The following ADGRA2 variants were observed in gnomAD, a reference collection of about 807,000 sequenced individuals.
The protein encoded by ADGRA2 is adhesion G protein-coupled receptor A2.
A neutral mutation model predicts 98.7 loss-of-function variants in ADGRA2; 61 were observed. That is an observed-to-expected ratio of 0.62 (90% confidence interval 0.50 to 0.76). The LOEUF is 0.76. Among genes scored for constraint, ADGRA2 ranks in the 30% least tolerant of loss-of-function variants. The pLI is 0.00. For missense variants in ADGRA2, 1,712 were observed against 1,860.0 expected (o/e 0.92, Z 1.46); for synonymous variants, 858 against 831.5 (o/e 1.03, Z -0.55).
In ADGRA2 at chr8:37,797,488, C is replaced by A; in HGVS notation, c.220C>A (p.Pro74Thr). The change falls in exon 1 of 19, where the codon CCG becomes ACG. Residue 74 changes from proline (P) to threonine (T), a missense_variant. Transcript: ENST00000412232. This position sits in a 1 kb window ranked among gnomAD's most constrained non-coding sequence, Gnocchi z 5.3. ...RRVVCSGGDL[P>T]EPPEPGLLPN... is the part of the protein sequence containing the mutation. Reference sequence around the variant, plus strand: ...GGTGGTGTGCAGCGGCGGGGACCTCCCGGAGCCTCCCGAGCCCGGCCTTCT... The same window carrying A: ...GGTGGTGTGCAGCGGCGGGGACCTCACGGAGCCTCCCGAGCCCGGCCTTCT... 3 of 1,408,338 alleles carry A rather than the reference C, an allele frequency of 2.1e-6. No individual in the cohort carries two copies. Among genetic ancestry groups the A allele is most frequent in the Non-Finnish European group, 2.8e-6 (3 of 1,077,706 alleles). 87.2% of individuals were successfully genotyped at this position (1,408,338 alleles called of 1,614,324 possible).
chr8:37,836,029 G>GC (rs768518522), intron 13 of ADGRA2, among the ~76,000 whole-genome samples: 10 of 141,280 alleles, frequency 7.1e-5, no homozygotes, highest in Admixed American at 3.7e-4. Context: ...TATGAGCATA[G>GC]CCCCCTCCAA....
At chr8:37,831,657 TG>T in intron 8 of ADGRA2, 70 bp downstream of exon 8, 6 of 1,415,010 alleles carry the variant, frequency 4.2e-6, no homozygotes, top group Non-Finnish European at 5.9e-6. Flanking sequence ...ACATCACAGG[TG>T]GCCAGAGTTT....
intron 1 of ADGRA2, among the ~76,000 whole-genome samples, chr8:37,811,524 T>C (rs1804833331): frequency 6.8e-6 from 1 of 147,334 alleles, no homozygotes; most frequent in African/African-American, 2.5e-5. Context: ...TTGCCCAGGC[T>C]GGAGTGCAAT....
In ADGRA2 at chr8:37,834,298, G is replaced by A. The variant is rs964811792; in HGVS notation, c.1608+170G>A. On this transcript the variant is annotated intron_variant, in intron 11 of 18. Coordinates refer to ENST00000412232, the MANE Select transcript of ADGRA2 (RefSeq NM_032777.10). The surrounding 1 kb of genome is among the most constrained non-coding windows in gnomAD (Gnocchi z 4.2). ...GGGGCAGTGCTAAGGAGAGGTGGCC[G>A]GTGACCCTGGAGAAGTGATGCCAGA... Among the ~76,000 whole-genome samples the A allele has an allele frequency of 2.0e-5, 3 of 152,338 alleles. No homozygotes were observed. Among genetic ancestry groups the A allele is most frequent in the African/African-American group, 7.2e-5 (3 of 41,572 alleles).
Position 37,814,827 on chromosome 8 carries a change from C to A in ADGRA2, c.267-69C>A. ...TGACAAAGATGCAAGCTGGCCCCAC[C>A]AGTGGTGAAAGCGGATGCCCAGCAC... On this transcript the variant is annotated intron_variant, in intron 1 of 18. Transcript: ENST00000412232. The surrounding 1 kb of genome is among the most constrained non-coding windows in gnomAD (Gnocchi z 4.3). The A allele has an allele frequency of 8.7e-7, 1 of 1,147,392 alleles. No homozygotes were observed. The highest frequency in any genetic ancestry group is 1.3e-6 in the Non-Finnish European group (1 of 756,242). 71.1% of individuals were successfully genotyped at this position (1,147,392 alleles called of 1,614,324 possible).
At position 37,844,481 on chromosome 8, in the gene ADGRA2, G is replaced by A; in HGVS notation, c.*2126G>A. The A allele has an allele frequency of 6.2e-7, 1 of 1,610,884 alleles. No individual in the cohort carries two copies. The highest frequency in any genetic ancestry group is 8.5e-7 in the Non-Finnish European group (1 of 1,178,682). On this transcript the variant is annotated 3_prime_UTR_variant, in exon 19 of 19. Transcript: ENST00000412232. ...CAGAACAGGATGAAGTGCTCCCAGT[G>A]GATATCCATCAGGGAGGGTTAGGGA...
chr8:37,833,547 C>T, intron 9 of ADGRA2, 141 bp from the exon 10 acceptor site: 1 of 832,538 alleles, frequency 1.2e-6, no homozygotes, highest in Middle Eastern at 2.4e-4. Context: ...CCTCTGCCCT[C>T]CTAGCTTGAT....
chr8:37,805,213 C>G (rs536213929), intron 1 of ADGRA2, among the ~76,000 whole-genome samples: 66 of 152,330 alleles, frequency 4.3e-4, no homozygotes, highest in African/African-American at 1.4e-3. Context: ...GGAGCTCTGC[C>G]CCTGTCACTC....
Position 37,842,617 on chromosome 8 carries a change from C to A in ADGRA2, c.*262C>A. On this transcript the variant is annotated 3_prime_UTR_variant, in exon 19 of 19. Transcript: ENST00000412232. ...GTGCCCTCCCAGGAACGGGGAAGGC[C>A]TCCGTCTGTGTGAAAGGGCACAGCA... 1 of 464,542 alleles carries A rather than the reference C, an allele frequency of 2.2e-6. No homozygotes were observed. The highest frequency in any genetic ancestry group is 3.5e-6 in the Non-Finnish European group (1 of 284,606). The allele number at this position is 464,542 out of a possible 1,614,324, so 28.8% of individuals were successfully genotyped here.
Position 37,835,383 on chromosome 8 carries a change from G to C in ADGRA2, c.1818G>C (p.Ser606=), listed in dbSNP as rs367940354. The change falls in exon 12 of 19, where the codon TCG becomes TCC. Residue 606 remains serine, a synonymous_variant. Coordinates refer to ENST00000412232, the MANE Select transcript of ADGRA2 (RefSeq NM_032777.10). ...CTTGRPNVSL[S]SFHIKNSVAL... ...CCGGGAGGCCCAATGTTTCTCTGTC[G>C]TCCTTCCACATCAAGGTGGGCGCTG... 1.9e-6 allele frequency: 3 copies of C among 1,610,502 alleles called. No homozygotes were observed. The highest frequency in any genetic ancestry group is 2.5e-6 in the Non-Finnish European group (3 of 1,179,606).
Position 37,840,152 on chromosome 8 carries a change from C to A in ADGRA2, c.2543C>A (p.Ser848Tyr). Residue 848 changes from serine (S) to tyrosine (Y), a missense_variant, in exon 17 of 19, where the codon TCC becomes TAC. Transcript: ENST00000412232. ...ATCACCCTGCACTACTCCTCCCTATCCACGCTGCTCTGGATGGGCGTGAAG... is the reference window on the plus strand; with the variant it reads ...ATCACCCTGCACTACTCCTCCCTATACACGCTGCTCTGGATGGGCGTGAAG... ...VGITLHYSSL[S>Y]TLLWMGVKAR... The A allele has an allele frequency of 6.2e-7, 1 of 1,608,760 alleles. No homozygotes were observed. Among genetic ancestry groups the A allele is most frequent in the Non-Finnish European group, 8.5e-7 (1 of 1,179,582 alleles).
At position 37,814,233 on chromosome 8, in the gene ADGRA2, GAATA is replaced by G. The variant is rs1302204086; in HGVS notation, c.267-656_267-653del. 6.6e-6 allele frequency among the ~76,000 whole-genome samples: 1 copy of G among 152,062 alleles called. No individual in the cohort carries two copies. The highest frequency in any genetic ancestry group is 2.4e-5 in the African/African-American group (1 of 41,386). On this transcript the variant is annotated intron_variant, in intron 1 of 18. Coordinates refer to ENST00000412232, the MANE Select transcript of ADGRA2 (RefSeq NM_032777.10). The surrounding 1 kb of genome is among the most constrained non-coding windows in gnomAD (Gnocchi z 4.3). ...CTTTCCTCCTCCCCTAAATACAAAC[GAATA>G]AATAAACAGAACCCCGAGGCGCAGA...
intron 2 of ADGRA2, among the ~76,000 whole-genome samples, chr8:37,815,219 A>C (rs897832826): frequency 1.3e-5 from 2 of 152,226 alleles, no homozygotes; most frequent in Non-Finnish European, 2.9e-5. Context: ...GGTTCTGAGA[A>C]GCTCATTAAC....
chr8:37,844,203 G>A lies in ADGRA2; in HGVS notation c.*1848G>A, dbSNP rs910423439. The A allele has an allele frequency of 1.7e-4, 69 of 417,320 alleles. No individual in the cohort carries two copies. In the East Asian group the frequency reaches 2.6e-3, roughly 16 times the overall value. The allele number at this position is 417,320 out of a possible 1,614,324, so 25.9% of individuals were successfully genotyped here. A position where few individuals can be genotyped will look rare whatever the true frequency, so the allele number is the denominator to read the frequency against. ...GTGTCCAATTCAAACCAGCAGCAAA[G>A]AGCCTGACATTTTCCCATCCATCTA... On this transcript the variant is annotated 3_prime_UTR_variant, in exon 19 of 19. Transcript: ENST00000412232.
At chr8:37,828,160 C>CAAA (rs1189976838) in intron 2 of ADGRA2, among the ~76,000 whole-genome samples, 12 of 151,868 alleles carry the variant, frequency 7.9e-5, no homozygotes, top group Non-Finnish European at 1.8e-4. Context: ...CAAAACAAAA[C>CAAA]AACTACCCCT....
Position 37,841,581 on chromosome 8 carries a change from C to A in ADGRA2, c.3243C>A (p.Arg1081=), listed in dbSNP as rs780083146. Reference sequence around the variant, plus strand: ...GGAGGGACGTGAGAGCCTCGTGGCGCGCCTGCTGCCCCCCTGCCTCTCCCG... The same window carrying A: ...GGAGGGACGTGAGAGCCTCGTGGCGAGCCTGCTGCCCCCCTGCCTCTCCCG... The part of the protein sequence containing the change: ...ARRRDVRASW[R]ACCPPASPAA... The change falls in exon 19 of 19, where the codon CGC becomes CGA. Residue 1081 remains arginine, a synonymous_variant. Transcript: ENST00000412232. This position sits in a 1 kb window ranked among gnomAD's most constrained non-coding sequence, Gnocchi z 5.0. 6.9e-6 allele frequency: 11 copies of A among 1,585,546 alleles called. No homozygotes were observed. The highest frequency in any genetic ancestry group is 7.7e-6 in the Non-Finnish European group (9 of 1,167,630).
Position 37,831,820 on chromosome 8 carries a change from T to C in ADGRA2, c.1097+233T>C, listed in dbSNP as rs1437145102. On this transcript the variant is annotated intron_variant, in intron 8 of 18. Transcript: ENST00000412232. The stretch of plus-strand genomic sequence containing the variant: ...TGGCTCACGCCTACAATCCCAGCAC[T>C]TTGGAAGGCCAAGGCAGGCTGATCA... Among the ~76,000 whole-genome samples, 3 of 152,216 alleles carry C rather than the reference T, an allele frequency of 2.0e-5. No individual in the cohort carries two copies. The East Asian group carries it at 5.8e-4, about 29-fold the overall frequency.
chr8:37,825,211 C>T (rs1046883055), intron 2 of ADGRA2, among the ~76,000 whole-genome samples: 1 of 152,064 alleles, frequency 6.6e-6, no homozygotes, highest in African/African-American at 2.4e-5. Flanking sequence ...ACCTGAGAAA[C>T]GGAGGGATCA....
intron 1 of ADGRA2, among the ~76,000 whole-genome samples, chr8:37,799,203 C>G (rs915703045): frequency 6.6e-6 from 1 of 152,040 alleles, no homozygotes; most frequent in East Asian, 1.9e-4. Context: ...AGTGAAACCC[C>G]GTCTCTACTA....
Sources: gnomAD v4.1 joint callset for allele counts (sites outside exome capture counted in the v4.1 genomes callset) on GRCh38, gnomAD v4.1.1 for gene constraint, Gnocchi (gnomAD v3.1) non-coding constraint, MANE v1.5 for transcripts, NCBI Gene and HGNC (gene_info 2026-07-23, HGNC 2026-07-21) for gene names.